The following MIR17HG variants were observed in gnomAD, a reference collection of about 807,000 sequenced individuals.
The protein encoded by MIR17HG is miR-17-92a-1 cluster host gene, also known as MIR17 host gene (non-protein coding).
At chr13:91,353,884 C>T (rs1409589978) in intron 3 of MIR17HG, 1 of 151,954 alleles carries the variant, frequency 6.6e-6, no homozygotes, top group African/African-American at 2.4e-5. Flanking sequence ...AAGCTGCTTG[C>T]AAAGTGTTGG....
rs1043140882 is a variant in MIR17HG, at chr13:91,350,526, G to T, written n.284+300G>T. ...ATGGTTTATAGTTGTTAGAGTTTGA[G>T]GTGTTAATTCTAATTATCTATTTCA... is the stretch of plus-strand genomic sequence containing the variant. On this transcript the variant is annotated intron_variant and non_coding_transcript_variant, in intron 3 of 3. Coordinates refer to ENST00000400282, the Ensembl canonical transcript of MIR17HG. 5.7e-6 allele frequency: 3 copies of T among 528,336 alleles called. No homozygotes were observed. The Admixed American group carries it at 5.9e-5, about 10-fold the overall frequency. 32.7% of individuals were successfully genotyped at this position (528,336 alleles called of 1,614,324 possible).
chr13:91,351,546 T>C (rs896163168), intron 3 of MIR17HG: 4 of 343,526 alleles, frequency 1.2e-5, no homozygotes, highest in Admixed American at 6.9e-5. Flanking sequence ...CATTTCACTT[T>C]TGGGGTTGCG....
chr13:91,348,380 G>A (rs1389351131), intron 1 of MIR17HG, among the ~76,000 whole-genome samples: 5 of 150,796 alleles, frequency 3.3e-5, no homozygotes, highest in Non-Finnish European at 7.4e-5. Flanking sequence ...AGTTTCTCCC[G>A]AGGGCGAGAG....
intron 1 of MIR17HG, among the ~76,000 whole-genome samples, chr13:91,349,227 GA>G (rs1875152800): frequency 6.6e-6 from 1 of 152,304 alleles, no homozygotes; most frequent in African/African-American, 2.4e-5. Flanking sequence ...AAAAGGAACT[GA>G]AAAAGGCAGG....
In MIR17HG at chr13:91,348,460, G is replaced by A. The variant is rs1331889537; in HGVS notation, n.140+501G>A. Among the ~76,000 whole-genome samples, 6 of 151,166 alleles carry A rather than the reference G, an allele frequency of 4.0e-5. No individual in the cohort carries two copies. In the East Asian group the frequency reaches 7.8e-4, roughly 20 times the overall value. On this transcript the variant is annotated intron_variant and non_coding_transcript_variant, in intron 1 of 3. Transcript: ENST00000400282. ...GGCAGGCCGCGGGCCGGGAGGGGGC[G>A]CGCCCACGAGGTACCTGCGCGCCAG...
intron 3 of MIR17HG, among the ~76,000 whole-genome samples, chr13:91,352,880 A>G (rs111371822): frequency 0.12 from 18,740 of 152,030 alleles, 1,283 homozygotes; most frequent in East Asian, 0.24. Flanking sequence ...AGGCTGAGGC[A>G]GACGGATTAC....
intron 3 of MIR17HG, among the ~76,000 whole-genome samples, chr13:91,353,598 C>T (rs1875433371): frequency 6.6e-6 from 1 of 152,142 alleles, no homozygotes; most frequent in East Asian, 1.9e-4. Flanking sequence ...GTTAATTTAG[C>T]CATTTTGAAA....
intron 1 of MIR17HG, among the ~76,000 whole-genome samples, chr13:91,348,124 C>A (rs1875056167): frequency 1.4e-5 from 2 of 138,766 alleles, no homozygotes; most frequent in Admixed American, 1.4e-4. Flanking sequence ...GTGTGGCAGC[C>A]GCATCTGGCT....
At position 91,349,212 on chromosome 13, in the gene MIR17HG, A is replaced by G. The variant is rs1016819542; in HGVS notation, n.141-486A>G. Among the ~76,000 whole-genome samples the G allele has an allele frequency of 3.9e-4, 59 of 152,022 alleles. 1 individual carries two copies. Among genetic ancestry groups the G allele is most frequent in the Non-Finnish European group, 2.9e-5 (2 of 67,958 alleles). ...GGTCTTCTGTTCCTAAACTGCAGCA[A>G]AGGGAAAAGGAACTGAAAAAGGCAG... On this transcript the variant is annotated intron_variant and non_coding_transcript_variant, in intron 1 of 3. Transcript: ENST00000400282.
chr13:91,354,146 G>A (rs1381221536), exon 4 of MIR17HG: 4 of 152,212 alleles, frequency 2.6e-5, no homozygotes, highest in African/African-American at 9.6e-5. Context: ...AGCAGTAAAG[G>A]TAAGGAGAGC....
At chr13:91,350,440 CAT>C (rs1945310792) in intron 3 of MIR17HG, 1 of 373,088 alleles carries the variant, frequency 2.7e-6, no homozygotes, top group African/African-American at 2.1e-5. Context: ...AAATGGACCT[CAT>C]ATCTTTGAGA....
chr13:91,350,594 G>C, intron 3 of MIR17HG: 1 of 534,100 alleles, frequency 1.9e-6, no homozygotes, highest in Non-Finnish European at 3.8e-6. Context: ...TAAAACTGAA[G>C]ATTGTGACCA....
rs945350331 is a variant in MIR17HG, at chr13:91,351,536, C to T, written n.284+1310C>T. 6 of 350,366 alleles carry T rather than the reference C, an allele frequency of 1.7e-5. No homozygotes were observed. In the East Asian group the frequency reaches 3.8e-4, roughly 22 times the overall value. 21.7% of individuals were successfully genotyped at this position (350,366 alleles called of 1,614,324 possible). A position where few individuals can be genotyped will look rare whatever the true frequency, so the allele number is the denominator to read the frequency against. On this transcript the variant is annotated intron_variant and non_coding_transcript_variant, in intron 3 of 3. Transcript: ENST00000400282. ...ATCTTGTCTTGTTTTCATTCAAAAA[C>T]ATTTCACTTTTGGGGTTGCGTGTCA...
intron 3 of MIR17HG, chr13:91,351,042 GTCTA>G (rs1423297487): frequency 1.1e-5 from 6 of 526,838 alleles, no homozygotes; most frequent in Non-Finnish European, 2.0e-5. Flanking sequence ...AATCTGCCTG[GTCTA>G]TCTGATGTGA....
intron 1 of MIR17HG, among the ~76,000 whole-genome samples, chr13:91,349,165 G>T (rs970424067): frequency 1.3e-5 from 2 of 152,074 alleles, no homozygotes; most frequent in African/African-American, 2.4e-5. Flanking sequence ...CGGGCACTTT[G>T]CAGTCTCGGG....
At chr13:91,354,394 A>T (rs1262365101) in exon 4 of MIR17HG, 1 of 152,190 alleles carries the variant, frequency 6.6e-6, no homozygotes, top group African/African-American at 2.4e-5. Flanking sequence ...AAGAATGCTT[A>T]ATTTTCTTAT....
chr13:91,347,839 G>GGGCC (rs978534853), exon 1 of MIR17HG: 8 of 151,070 alleles, frequency 5.3e-5, no homozygotes, highest in African/African-American at 1.2e-4. Flanking sequence ...CTCGCGGGGC[G>GGGCC]GGCCGGCCGG....
intron 3 of MIR17HG, among the ~76,000 whole-genome samples, chr13:91,353,109 CAAAAAAAAAAAAAAAAA>C (rs549062236): frequency 1.5e-3 from 42 of 28,886 alleles, no homozygotes; most frequent in Non-Finnish European, 2.3e-3. Context: ...GACTTAAACG[CAAAAAAAAAAAAAAAAA>C]AAAAAAAAAA....
intron 2 of MIR17HG, chr13:91,349,853 T>A (rs776334275): frequency 1.2e-4 from 19 of 152,356 alleles, no homozygotes; most frequent in Non-Finnish European, 2.6e-4. Flanking sequence ...GATTGGTTTC[T>A]TAGAGAGTAA....
Sources: gnomAD v4.1 joint callset for allele counts (sites outside exome capture counted in the v4.1 genomes callset) on GRCh38, gnomAD v4.1.1 for gene constraint, MANE v1.5 for transcripts, NCBI Gene and HGNC (gene_info 2026-07-23, HGNC 2026-07-21) for gene names.